The following AUTS2 variants were observed in gnomAD, a reference collection of about 807,000 sequenced individuals.
The protein encoded by AUTS2 is activator of transcription and developmental regulator AUTS2, also known as autism susceptibility gene 2 protein.
Under a neutral mutation model 112.4 loss-of-function variants are expected in AUTS2, and 17 were observed. That is an observed-to-expected ratio of 0.15 (90% CI 0.10 to 0.23). The LOEUF is 0.23. AUTS2 is among the 10% of genes least tolerant of loss of function. The probability of loss-of-function intolerance (pLI) is 1.00; values close to 1 mark genes in which losing one functional copy is unlikely to be tolerated. For synonymous variants in AUTS2, 751 were observed against 702.7 expected, an observed-to-expected ratio of 1.07 and a Z score of -1.09; for missense variants, 1,510 against 1,701.6, an observed-to-expected ratio of 0.89 and a Z score of 1.98.
chr7:70,287,392 C>A (rs1788508411), intron 4 of AUTS2, among the ~76,000 whole-genome samples: 1 of 152,138 alleles, frequency 6.6e-6, no homozygotes, highest in African/African-American at 2.4e-5. Context: ...TTTTTACATG[C>A]TGTCAGAATA....
At chr7:70,004,454 A>G (rs922061381) in intron 2 of AUTS2, among the ~76,000 whole-genome samples, 1 of 145,548 alleles carries the variant, frequency 6.9e-6, no homozygotes, top group Non-Finnish European at 1.5e-5. Flanking sequence ...GCCATAAGCC[A>G]TAGAGATTCA....
intron 5 of AUTS2, among the ~76,000 whole-genome samples, chr7:70,628,713 G>A (rs1453877915): frequency 6.6e-6 from 1 of 152,132 alleles, no homozygotes; most frequent in Non-Finnish European, 1.5e-5. Context: ...AGGGAGACCA[G>A]TTAGGATGCT....
chr7:70,438,736 C>T (rs1335941159), intron 5 of AUTS2, among the ~76,000 whole-genome samples: 1 of 152,196 alleles, frequency 6.6e-6, no homozygotes, highest in African/African-American at 2.4e-5. Flanking sequence ...CCCCTCGAAG[C>T]CCCAGAGCTA....
intron 1 of AUTS2, among the ~76,000 whole-genome samples, chr7:69,804,222 C>T (rs1275442415): frequency 3.3e-5 from 5 of 152,146 alleles, no homozygotes; most frequent in African/African-American, 1.2e-4. Flanking sequence ...GGGAGTGTTG[C>T]TGGGGGAGTG....
intron 4 of AUTS2, among the ~76,000 whole-genome samples, chr7:70,226,555 C>T (rs930656193): frequency 4.6e-5 from 7 of 151,772 alleles, no homozygotes; most frequent in African/African-American, 1.7e-4. Context: ...ATGCTTTTTG[C>T]TGTATTCAGG....
chr7:70,271,641 G>T (rs900709249), intron 4 of AUTS2, among the ~76,000 whole-genome samples: 1 of 152,140 alleles, frequency 6.6e-6, no homozygotes, highest in South Asian at 2.1e-4. Context: ...TAGTACTGTG[G>T]CTTTAATATC....
chr7:69,806,197 C>CTTT lies in AUTS2; in HGVS notation c.310-93060_310-93058dup, dbSNP rs56704400. Among the ~76,000 whole-genome samples, 254 of 55,018 alleles carry CTTT rather than the reference C, an allele frequency of 4.6e-3. 12 individuals are homozygous for CTTT. Among genetic ancestry groups the CTTT allele is most frequent in the Non-Finnish European group, 6.6e-3 (186 of 28,340 alleles). 36.1% of individuals were successfully genotyped at this position (55,018 alleles called of 152,430 possible). A position where few individuals can be genotyped will look rare whatever the true frequency, so the allele number is the denominator to read the frequency against. On this transcript the variant is annotated intron_variant, in intron 1 of 18. Transcript: ENST00000342771. Reference sequence around the variant, plus strand: ...TGGGAGCCACCATGCCCAGCCAAGGCTTTTTTTTTTTTTTTTTTTTTTTTT... The same window carrying CTTT: ...TGGGAGCCACCATGCCCAGCCAAGGCTTTTTTTTTTTTTTTTTTTTTTTTTTTT...
intron 5 of AUTS2, among the ~76,000 whole-genome samples, chr7:70,678,132 C>T (rs1018692469): frequency 6.4e-4 from 97 of 152,196 alleles, no homozygotes; most frequent in African/African-American, 2.2e-3. Flanking sequence ...GTTCTACCTT[C>T]CCCACGTGTA....
intron 4 of AUTS2, among the ~76,000 whole-genome samples, chr7:70,419,653 T>C (rs995639114): frequency 6.6e-6 from 1 of 152,180 alleles, no homozygotes; most frequent in Non-Finnish European, 1.5e-5. Flanking sequence ...ATGGAAAATA[T>C]GAAGGCTCTT....
chr7:70,563,190 T>C (rs1801560565), intron 5 of AUTS2, among the ~76,000 whole-genome samples: 1 of 152,178 alleles, frequency 6.6e-6, no homozygotes, highest in Admixed American at 6.5e-5. Flanking sequence ...ATTTTATCAT[T>C]GAAGATTGGA....
At chr7:70,075,149 T>C (rs890298105) in intron 2 of AUTS2, among the ~76,000 whole-genome samples, 5 of 152,200 alleles carry the variant, frequency 3.3e-5, no homozygotes, top group African/African-American at 1.2e-4. Flanking sequence ...TCCAGAACAA[T>C]TCCCCTCCCA....
At chr7:69,853,195 T>C (rs1255804050) in intron 1 of AUTS2, among the ~76,000 whole-genome samples, 7 of 152,230 alleles carry the variant, frequency 4.6e-5, no homozygotes, top group African/African-American at 1.7e-4. Flanking sequence ...GCTGATTTTC[T>C]GTCTAGTTGC....
At chr7:70,518,773 A>G (rs1799524761) in intron 5 of AUTS2, among the ~76,000 whole-genome samples, 1 of 151,994 alleles carries the variant, frequency 6.6e-6, no homozygotes. Context: ...ATGCTATCTC[A>G]GTTCACTGCA....
intron 1 of AUTS2, among the ~76,000 whole-genome samples, chr7:69,611,164 A>G (rs1793013756): frequency 6.6e-6 from 1 of 152,166 alleles, no homozygotes; most frequent in Non-Finnish European, 1.5e-5. Flanking sequence ...TCTGTTGAAA[A>G]TAGTTATTTT....
At chr7:70,462,907 G>A (rs947996441) in intron 5 of AUTS2, among the ~76,000 whole-genome samples, 2 of 151,844 alleles carry the variant, frequency 1.3e-5, no homozygotes, top group South Asian at 2.1e-4. Context: ...GCAGTGACCC[G>A]AGATTGCGCC....
At chr7:70,214,031 G>T (rs942963026) in intron 4 of AUTS2, among the ~76,000 whole-genome samples, 1 of 152,188 alleles carries the variant, frequency 6.6e-6, no homozygotes, top group Non-Finnish European at 1.5e-5. Flanking sequence ...AGGCTGGTTT[G>T]ATGCTAACAC....
intron 6 of AUTS2, among the ~76,000 whole-genome samples, chr7:70,706,583 C>T (rs185548368): frequency 6.6e-6 from 1 of 152,300 alleles, no homozygotes; most frequent in Admixed American, 6.5e-5. Flanking sequence ...TGGAGGGTGG[C>T]TTGCATAGCT....
intron 5 of AUTS2, among the ~76,000 whole-genome samples, chr7:70,540,821 A>G (rs1022272673): frequency 6.6e-6 from 1 of 152,152 alleles, no homozygotes; most frequent in Non-Finnish European, 1.5e-5. Flanking sequence ...CATTAGCATG[A>G]CAGAACGTCA....
At chr7:69,808,875 G>C (rs974367462) in intron 1 of AUTS2, among the ~76,000 whole-genome samples, 1 of 152,172 alleles carries the variant, frequency 6.6e-6, no homozygotes, top group African/African-American at 2.4e-5. Flanking sequence ...GGAGACATGA[G>C]GGGTACAGAA....
Sources: gnomAD v4.1 joint callset for allele counts (sites outside exome capture counted in the v4.1 genomes callset) on GRCh38, gnomAD v4.1.1 for gene constraint, MANE v1.5 for transcripts, NCBI Gene and HGNC (gene_info 2026-07-23, HGNC 2026-07-21) for gene names.